GLG1: variants seen among roughly 807,000 people sequenced by gnomAD.
GLG1 encodes Golgi apparatus protein 1.
Under a neutral mutation model 160.5 loss-of-function variants are expected in GLG1, and 38 were observed. The ratio of observed to expected loss-of-function variants is 0.24; its 90% confidence interval spans 0.18 to 0.31. GLG1 has a LOEUF of 0.31. GLG1 is among the 10% of genes least tolerant of loss of function. The pLI is 1.00. For missense variants in GLG1, 1,373 were observed against 1,505.2 expected (o/e 0.91, Z 1.45); for synonymous variants, 644 against 543.4 (o/e 1.19, Z -2.57).
chr16:74,605,604 T>G (rs751145188), intron 1 of GLG1, among the ~76,000 whole-genome samples: 9 of 152,172 alleles, frequency 5.9e-5, no homozygotes, highest in Non-Finnish European at 8.8e-5. Context: ...TGCTTATGTA[T>G]GTCTTTTCCT....
intron 10 of GLG1, among the ~76,000 whole-genome samples, chr16:74,481,004 T>G (rs568212303): frequency 6.6e-6 from 1 of 152,206 alleles, no homozygotes; most frequent in Non-Finnish European, 1.5e-5. Context: ...AACATTTTAA[T>G]AGACAGCACT....
chr16:74,586,065 A>G (rs1376121505), intron 1 of GLG1, among the ~76,000 whole-genome samples: 3 of 98,140 alleles, frequency 3.1e-5, no homozygotes, highest in South Asian at 2.7e-4. Flanking sequence ...TCTGTATCGG[A>G]AAAAAAAAAA....
intron 22 of GLG1, chr16:74,461,751 G>T (rs946883644): frequency 1.7e-5 from 3 of 173,812 alleles, no homozygotes; most frequent in Admixed American, 6.2e-5. Flanking sequence ...GATTACAGGC[G>T]TGAGCCACCG....
Position 74,452,420 on chromosome 16 carries a change from C to T in GLG1, c.*747G>A. 1 of 1,170,950 alleles carries T rather than the reference C, an allele frequency of 8.5e-7. No homozygotes were observed. The highest frequency in any genetic ancestry group is 1.1e-6 in the Non-Finnish European group (1 of 939,468). 72.5% of individuals were successfully genotyped at this position (1,170,950 alleles called of 1,614,324 possible). A position where few individuals can be genotyped will look rare whatever the true frequency, so the allele number is the denominator to read the frequency against. On this transcript the variant is annotated 3_prime_UTR_variant, in exon 26 of 26. Transcript: ENST00000422840. ...CACAAACTTCCGGTCCCTTCCCCTC[C>T]CCAGCTGCCCTTGTCTAGGAAGGCT...
chr16:74,480,856 A>G (rs1212272994), intron 10 of GLG1, among the ~76,000 whole-genome samples: 3 of 152,248 alleles, frequency 2.0e-5, no homozygotes, highest in South Asian at 4.1e-4. Context: ...CCAGCCGTGA[A>G]TTTTGTTCTT....
At chr16:74,523,461 T>A (rs968203072) in intron 2 of GLG1, among the ~76,000 whole-genome samples, 18 of 152,118 alleles carry the variant, frequency 1.2e-4, no homozygotes, top group African/African-American at 4.1e-4. Context: ...AATTTTAAAA[T>A]CACGTGGCAA....
chr16:74,507,658 C>A (rs2016660106), intron 3 of GLG1, among the ~76,000 whole-genome samples: 1 of 152,050 alleles, frequency 6.6e-6, no homozygotes, highest in African/African-American at 2.4e-5. Context: ...ACTGCTTGAA[C>A]CCAGGAGGCA....
Position 74,458,071 on chromosome 16 carries a change from A to G in GLG1, c.3145-77T>C, listed in dbSNP as rs765273582. The G allele has an allele frequency of 6.2e-5, 87 of 1,411,222 alleles. 1 individual carries two copies. The highest frequency in any genetic ancestry group is 8.3e-5 in the Non-Finnish European group (84 of 1,012,970). The allele number at this position is 1,411,222 out of a possible 1,614,324, so 87.4% of individuals were successfully genotyped here. ...GATCTGTTGTCTGTAAATACTTCAT[A>G]TACTAATAAAAAAGGGGGGAAGTTG... is the stretch of plus-strand genomic sequence containing the variant. On this transcript the variant is annotated intron_variant, in intron 23 of 25. Transcript: ENST00000422840.
chr16:74,523,339 A>G (rs778589560), intron 2 of GLG1, among the ~76,000 whole-genome samples: 100 of 152,254 alleles, frequency 6.6e-4, no homozygotes, highest in Non-Finnish European at 1.2e-3. Flanking sequence ...CTTCTACCAC[A>G]CTGCCTTAAT....
chr16:74,543,410 T>C (rs892401466), intron 1 of GLG1, among the ~76,000 whole-genome samples: 3 of 152,216 alleles, frequency 2.0e-5, no homozygotes, highest in African/African-American at 7.2e-5. Flanking sequence ...GAGGCAGTAA[T>C]GTGTTATGTT....
chr16:74,505,311 T>G (rs928766584), intron 3 of GLG1, among the ~76,000 whole-genome samples: 8 of 152,202 alleles, frequency 5.3e-5, no homozygotes, highest in Admixed American at 5.2e-4. Context: ...GGGGCAAACT[T>G]GGGAATTTAG....
At chr16:74,458,199 CTG>C (rs2014638256) in intron 23 of GLG1, 3 of 472,044 alleles carry the variant, frequency 6.4e-6, no homozygotes, top group Non-Finnish European at 1.1e-5. Flanking sequence ...GGATACAAAA[CTG>C]TGTGTTGGAA....
intron 6 of GLG1, 89 bp from the exon 7 acceptor site, chr16:74,493,229 C>A: frequency 1.3e-6 from 1 of 776,136 alleles, no homozygotes; most frequent in Non-Finnish European, 2.1e-6. Context: ...GCGACTCAGC[C>A]AAGTACATGT....
chr16:74,493,186 T>C (rs1430985586), intron 6 of GLG1, 46 bp from the exon 7 acceptor site: 2 of 1,376,678 alleles, frequency 1.5e-6, no homozygotes, highest in Non-Finnish European at 2.0e-6. Flanking sequence ...TCATGTAACT[T>C]TACTGTTGAC....
At chr16:74,503,380 C>T (rs1326113675) in intron 4 of GLG1, 151 bp downstream of exon 4, 7 of 629,842 alleles carry the variant, frequency 1.1e-5, no homozygotes, top group Non-Finnish European at 2.0e-5. Flanking sequence ...CATTGTCAAC[C>T]AGCCTTAGCT....
At chr16:74,590,984 T>C (rs1461924754) in intron 1 of GLG1, among the ~76,000 whole-genome samples, 2 of 150,726 alleles carry the variant, frequency 1.3e-5, no homozygotes, top group African/African-American at 4.9e-5. Flanking sequence ...AATATGAAAA[T>C]GAAGTTGTGG....
At chr16:74,479,055 A>C (rs1180067865) in intron 11 of GLG1, among the ~76,000 whole-genome samples, 1 of 60,092 alleles carries the variant, frequency 1.7e-5, no homozygotes, top group Non-Finnish European at 4.0e-5. Context: ...AAAATCCAAA[A>C]AAAAAAAAAA....
At chr16:74,536,813 T>C (rs983236179) in intron 1 of GLG1, among the ~76,000 whole-genome samples, 13 of 152,194 alleles carry the variant, frequency 8.5e-5, no homozygotes, top group Non-Finnish European at 1.3e-4. Context: ...ATGACCAAGA[T>C]AGAGGAAAAA....
At chr16:74,582,459 T>G (rs1957959399) in intron 1 of GLG1, among the ~76,000 whole-genome samples, 1 of 152,158 alleles carries the variant, frequency 6.6e-6, no homozygotes, top group African/African-American at 2.4e-5. Context: ...CTGAAAGATC[T>G]TTGTTAACAG....
Sources: allele counts gnomAD v4.1 joint callset (sites outside exome capture counted in the v4.1 genomes callset), GRCh38; gene constraint gnomAD v4.1.1; transcripts MANE v1.5; gene names NCBI Gene and HGNC (gene_info 2026-07-23, HGNC 2026-07-21).